ALPL: variants seen among roughly 807,000 people sequenced by gnomAD.
The protein encoded by ALPL is alkaline phosphatase, tissue-nonspecific isozyme.
A neutral mutation model predicts 51.3 loss-of-function variants in ALPL; 42 were observed. The ratio of observed to expected loss-of-function variants is 0.82; its 90% CI spans 0.64 to 1.06. The LOEUF (loss-of-function observed/expected upper bound fraction) is 1.06, where lower values mean the gene tolerates loss of function less well. Ranked by LOEUF, ALPL falls within the 50% of genes least tolerant of loss-of-function variation. The probability of loss-of-function intolerance (pLI) is 0.00; values close to 1 mark genes in which losing one functional copy is unlikely to be tolerated. For synonymous variants in ALPL, 279 were observed against 296.4 expected (o/e 0.94, Z 0.60); for missense variants, 589 against 709.4 (o/e 0.83, Z 1.93).
intron 1 of ALPL, among the ~76,000 whole-genome samples, chr1:21,549,804 C>T (rs1644298269): frequency 6.6e-6 from 1 of 152,098 alleles, no homozygotes; most frequent in African/African-American, 2.4e-5. Flanking sequence ...TACAATAGTT[C>T]CCCAAAAAGC....
intron 1 of ALPL, among the ~76,000 whole-genome samples, chr1:21,547,536 G>A (rs951416580): frequency 1.3e-5 from 2 of 152,200 alleles, no homozygotes; most frequent in African/African-American, 4.8e-5. Context: ...GGGGAACTCA[G>A]CTGGCCTGAC....
intron 1 of ALPL, among the ~76,000 whole-genome samples, chr1:21,534,962 G>A (rs1644078356): frequency 6.6e-6 from 1 of 152,134 alleles, no homozygotes; most frequent in Non-Finnish European, 1.5e-5. Context: ...TTTCCCCGCT[G>A]TACTTACCGC....
intron 1 of ALPL, among the ~76,000 whole-genome samples, chr1:21,511,611 A>G (rs543771760): frequency 1.3e-5 from 2 of 152,172 alleles, no homozygotes; most frequent in African/African-American, 2.4e-5. Context: ...GTGGGGTGGC[A>G]TGGTGCCCTC....
At chr1:21,538,808 A>G (rs1217522496) in intron 1 of ALPL, among the ~76,000 whole-genome samples, 1 of 152,146 alleles carries the variant, frequency 6.6e-6, no homozygotes, top group Non-Finnish European at 1.5e-5. Context: ...TGCAAGCCCC[A>G]AGTGAGTTGC....
chr1:21,554,093 A>G lies in ALPL; in HGVS notation c.12A>G (p.Pro4=), dbSNP rs771198723. 6.3e-7 allele frequency: 1 copy of G among 1,588,270 alleles called. No individual in the cohort carries two copies. The highest frequency in any genetic ancestry group is 8.6e-7 in the Non-Finnish European group (1 of 1,165,686). The change falls in exon 2 of 12, where the codon CCA becomes CCG. Residue 4 remains proline (P), a synonymous_variant. Transcript: ENST00000374840. MIS[P]FLVLAIGTCL... is the part of the protein sequence containing the mutation. ...TCTTGGGGTGCACCATGATTTCACC[A>G]TTCTTAGTACTGGCCATTGGCACCT...
chr1:21,556,384 TA>T (rs1358058630), intron 2 of ALPL, among the ~76,000 whole-genome samples: 2 of 152,176 alleles, frequency 1.3e-5, no homozygotes, highest in Non-Finnish European at 2.9e-5. Context: ...CTCACGCCTG[TA>T]ATCCCAGTGC....
chr1:21,509,906 C>G lies in ALPL; in HGVS notation c.-105+389C>G, dbSNP rs1354336516. Among the ~76,000 whole-genome samples, 1 of 152,240 alleles carries G rather than the reference C, an allele frequency of 6.6e-6. No homozygotes were observed. The highest frequency in any genetic ancestry group is 1.5e-5 in the Non-Finnish European group (1 of 68,038). ...CGTGACTGAGCCCCTCCTGGTGCCTCCTTAGCCGTAGCTCTAGAGACCTGG... is the reference window on the plus strand; with the variant it reads ...CGTGACTGAGCCCCTCCTGGTGCCTGCTTAGCCGTAGCTCTAGAGACCTGG... On this transcript the variant is annotated intron_variant, in intron 1 of 11. Transcript: ENST00000374840. The surrounding 1 kb of genome is among the most constrained non-coding windows in gnomAD (Gnocchi z 6.0).
rs1644475957 is a variant in ALPL, at chr1:21,560,948, G to A, written c.182-149G>A. ...GAGGATCTGGGGGTGAAGGGAGAGAGGGGCTGCTCACTGACATTTACAGAG... is the reference window on the plus strand; with the variant it reads ...GAGGATCTGGGGGTGAAGGGAGAGAAGGGCTGCTCACTGACATTTACAGAG... On this transcript the variant is annotated intron_variant, in intron 3 of 11. Transcript: ENST00000374840. The A allele has an allele frequency of 6.1e-6, 6 of 976,110 alleles. No individual in the cohort carries two copies. The Admixed American group carries it at 1.0e-4, about 16-fold the overall frequency. 60.5% of individuals were successfully genotyped at this position (976,110 alleles called of 1,614,324 possible). A position where few individuals can be genotyped will look rare whatever the true frequency, so the allele number is the denominator to read the frequency against.
chr1:21,576,268 TGGGTG>T lies in ALPL; in HGVS notation c.1190-252_1190-248del, dbSNP rs747052987. Among the ~76,000 whole-genome samples, 4 of 20,862 alleles carry T rather than the reference TGGGTG, an allele frequency of 1.9e-4. No homozygotes were observed. The South Asian group carries it at 7.1e-3, about 37-fold the overall frequency. 13.7% of individuals were successfully genotyped at this position (20,862 alleles called of 152,430 possible). On this transcript the variant is annotated intron_variant, in intron 10 of 11. Transcript: ENST00000374840. ...GATGGATGGATGATGGATGGATGGA[TGGGTG>T]GATGGATGGATGGGTGGATGGATGG...
At chr1:21,556,111 G>A (rs1644410769) in intron 2 of ALPL, among the ~76,000 whole-genome samples, 1 of 152,158 alleles carries the variant, frequency 6.6e-6, no homozygotes, top group South Asian at 2.1e-4. Context: ...ACGCGGAAGT[G>A]TTTCCACAGC....
intron 4 of ALPL, among the ~76,000 whole-genome samples, chr1:21,561,666 C>CTTTTTTTTTT (rs11296484): frequency 8.9e-6 from 1 of 112,412 alleles, no homozygotes; most frequent in African/African-American, 3.4e-5. Flanking sequence ...CTATATATGC[C>CTTTTTTTTTT]TTTTTTTTTT....
At chr1:21,521,049 G>T (rs570791810) in intron 1 of ALPL, among the ~76,000 whole-genome samples, 36 of 152,292 alleles carry the variant, frequency 2.4e-4, no homozygotes, top group African/African-American at 8.2e-4. Flanking sequence ...GCTTGCTTTG[G>T]ATATCTTGAA....
In ALPL at chr1:21,553,992, T is replaced by G. The variant is rs1383457150; in HGVS notation, c.-90T>G. ...TTAATTTCTAGGATTGGAACATCAG[T>G]TAACATCTGACCACTGCCAGCCCAC... On this transcript the variant is annotated 5_prime_UTR_variant, in exon 2 of 12. Transcript: ENST00000374840. The G allele has an allele frequency of 1.9e-6, 2 of 1,076,778 alleles. No individual in the cohort carries two copies. The highest frequency in any genetic ancestry group is 3.1e-5 in the African/African-American group (2 of 64,332). The allele number at this position is 1,076,778 out of a possible 1,614,324, so 66.7% of individuals were successfully genotyped here.
chr1:21,554,012 G>GCCCCCCCC lies in ALPL; in HGVS notation c.-67_-66insCCCCCCCC. 1 of 995,214 alleles carries GCCCCCCCC rather than the reference G, an allele frequency of 1.0e-6. No homozygotes were observed. Among genetic ancestry groups the GCCCCCCCC allele is most frequent in the South Asian group, 1.3e-5 (1 of 78,906 alleles). 61.6% of individuals were successfully genotyped at this position (995,214 alleles called of 1,614,324 possible). ...ATCAGTTAACATCTGACCACTGCCA[G>GCCCCCCCC]CCCACCCCCTCCCACCCACGTCGAT... On this transcript the variant is annotated 5_prime_UTR_variant, in exon 2 of 12. Coordinates refer to ENST00000374840, the MANE Select transcript of ALPL (RefSeq NM_000478.6).
chr1:21,545,137 A>C (rs1644237102), intron 1 of ALPL, among the ~76,000 whole-genome samples: 1 of 152,214 alleles, frequency 6.6e-6, no homozygotes, highest in Non-Finnish European at 1.5e-5. Flanking sequence ...GGGAATTATT[A>C]AATCAAATCT....
intron 1 of ALPL, among the ~76,000 whole-genome samples, chr1:21,552,535 G>T (rs1644346056): frequency 6.6e-6 from 1 of 151,044 alleles, no homozygotes; most frequent in Non-Finnish European, 1.5e-5. Flanking sequence ...GAGCTGCAAA[G>T]AGAAGAATTT....
intron 2 of ALPL, among the ~76,000 whole-genome samples, chr1:21,558,840 C>T (rs75273417): frequency 0.02 from 3,035 of 152,250 alleles, 40 homozygotes; most frequent in Non-Finnish European, 0.033. Flanking sequence ...CTGTGCTCTG[C>T]GCCTATGCTA....
chr1:21,548,044 G>A (rs750439190), intron 1 of ALPL, among the ~76,000 whole-genome samples: 8 of 152,232 alleles, frequency 5.3e-5, no homozygotes, highest in Non-Finnish European at 7.3e-5. Context: ...CAGCCTAGCC[G>A]GGGCTTCTGC....
At chr1:21,527,015 G>GTTCTGTTCTTTTCTTTTCTT (rs1643953309) in intron 1 of ALPL, among the ~76,000 whole-genome samples, 1 of 140,528 alleles carries the variant, frequency 7.1e-6, no homozygotes, top group Admixed American at 7.3e-5. Flanking sequence ...TGTTATTCTT[G>GTTCTGTTCTTTTCTTTTCTT]TTCTTTTCTT....
Sources: gnomAD v4.1 joint callset for allele counts (sites outside exome capture counted in the v4.1 genomes callset) on GRCh38, gnomAD v4.1.1 for gene constraint, Gnocchi (gnomAD v3.1) non-coding constraint, MANE v1.5 for transcripts, NCBI Gene and HGNC (gene_info 2026-07-23, HGNC 2026-07-21) for gene names.